GLIS3: variants seen among roughly 807,000 people sequenced by gnomAD.
GLIS3 encodes the protein GLIS family zinc finger 3.
In GLIS3, 53 loss-of-function variants were observed where a neutral mutation model predicts 78.6. The observed-to-expected ratio is 0.67, with a 90% confidence interval of 0.54 to 0.85. The LOEUF is 0.85. GLIS3 is among the 40% of genes least tolerant of loss of function. The pLI, the probability that GLIS3 is intolerant of heterozygous loss-of-function variation, is 0.00. For missense variants in GLIS3, 1,703 were observed against 1,231.1 expected (o/e 1.38, Z -5.74); for synonymous variants, 684 against 509.9 (o/e 1.34, Z -4.60).
intron 1 of GLIS3, among the ~76,000 whole-genome samples, chr9:4,291,573 T>C (rs1457591801): frequency 6.6e-6 from 1 of 151,820 alleles, no homozygotes; most frequent in East Asian, 1.9e-4. Context: ...GGGTAGTAAA[T>C]ATGAACAGGA....
At chr9:4,095,517 A>G (rs1829868254) in intron 4 of GLIS3, among the ~76,000 whole-genome samples, 1 of 152,182 alleles carries the variant, frequency 6.6e-6, no homozygotes, top group African/African-American at 2.4e-5. Context: ...ATAGAATTCA[A>G]CAGTAAGGAT....
At chr9:3,840,493 A>C (rs1330091711) in intron 9 of GLIS3, among the ~76,000 whole-genome samples, 2 of 152,226 alleles carry the variant, frequency 1.3e-5, no homozygotes, top group African/African-American at 4.8e-5. Context: ...TGTGTTAGGA[A>C]GACAGATTTT....
At chr9:4,338,024 C>CTGTG (rs74777663) in intron 2 of GLIS3, among the ~76,000 whole-genome samples, 5,450 of 138,952 alleles carry the variant, frequency 0.039, 110 homozygotes, top group Middle Eastern at 0.052. Context: ...ATTGGCAAGG[C>CTGTG]TGTGTGTGTG....
intron 4 of GLIS3, chr9:4,035,892 A>C (rs1336729031): frequency 6.6e-6 from 1 of 152,280 alleles, no homozygotes; most frequent in Non-Finnish European, 1.5e-5. Flanking sequence ...TCTTGCAGTC[A>C]AAATCTATCC....
rs79496330 is a variant in GLIS3 at position 4,148,593 on chromosome 9, A to G, written c.389-22652T>C. On this transcript the variant is annotated intron_variant, in intron 2 of 10. Coordinates refer to ENST00000381971, the MANE Select transcript of GLIS3 (RefSeq NM_001042413.2). ...AACTGGCAGGCCCATGAGGACAGGG[A>G]CTGTACCTAATCCACCTGGACCCCT... Among the ~76,000 whole-genome samples the G allele has an allele frequency of 3.8e-3, 570 of 151,796 alleles. 4 individuals are homozygous for G. Among genetic ancestry groups the G allele is most frequent in the African/African-American group, 0.012 (499 of 41,376 alleles).
chr9:4,009,327 C>T (rs549607687), intron 4 of GLIS3, among the ~76,000 whole-genome samples: 283 of 152,268 alleles, frequency 1.9e-3, no homozygotes, highest in Non-Finnish European at 2.8e-3. Flanking sequence ...TTGTGACAGC[C>T]GACAAGCCAG....
At chr9:4,191,207 C>G (rs1223339156) in intron 2 of GLIS3, among the ~76,000 whole-genome samples, 1 of 151,428 alleles carries the variant, frequency 6.6e-6, no homozygotes, top group Non-Finnish European at 1.5e-5. Flanking sequence ...TGTAAATGGA[C>G]TAAATGCTCC....
At chr9:4,488,272 C>T in the GLIS3 span, among the ~76,000 whole-genome samples, 151,770 of 152,234 alleles carry the variant, frequency 1, 75,655 homozygotes, top group Middle Eastern at 1. Flanking sequence ...TTATTTTACA[C>T]ACATGTGATC....
chr9:4,222,613 G>A (rs533955161), intron 2 of GLIS3, among the ~76,000 whole-genome samples: 4 of 152,296 alleles, frequency 2.6e-5, no homozygotes, highest in Admixed American at 6.5e-5. Flanking sequence ...TGTCAAGTGC[G>A]TGCACAGATC....
intron 8 of GLIS3, among the ~76,000 whole-genome samples, chr9:3,858,738 A>C (rs536327189): frequency 6.6e-6 from 1 of 152,216 alleles, no homozygotes; most frequent in African/African-American, 2.4e-5. Flanking sequence ...TAACTTTTAT[A>C]CATGTAGAGA....
At chr9:3,921,923 TACACAC>T (rs6150898) in intron 6 of GLIS3, among the ~76,000 whole-genome samples, 6 of 149,756 alleles carry the variant, frequency 4.0e-5, no homozygotes, top group Non-Finnish European at 7.4e-5. Context: ...TCATACTGTG[TACACAC>T]ACACACACAC....
rs1564098486 is a variant in GLIS3, at chr9:4,133,867, CA to C, written c.389-7927del. Among the ~76,000 whole-genome samples the C allele has an allele frequency of 9.6e-3, 1,074 of 111,392 alleles. 19 individuals carry two copies. The highest frequency in any genetic ancestry group is 0.026 in the African/African-American group (808 of 30,666). The allele number at this position is 111,392 out of a possible 152,430, so 73.1% of individuals were successfully genotyped here. On this transcript the variant is annotated intron_variant, in intron 2 of 10. Coordinates refer to ENST00000381971, the MANE Select transcript of GLIS3 (RefSeq NM_001042413.2). ...ACACACACACACACACACACACACA[CA>C]CACACACCGTACATCTGTCCTCGCC...
intron 7 of GLIS3, among the ~76,000 whole-genome samples, chr9:3,880,125 A>G (rs979921585): frequency 1.3e-5 from 2 of 152,102 alleles, no homozygotes; most frequent in African/African-American, 4.8e-5. Flanking sequence ...AGGATCCTGC[A>G]CCCTTTTAAC....
At chr9:4,075,639 G>T (rs1369034450) in intron 4 of GLIS3, among the ~76,000 whole-genome samples, 1 of 151,810 alleles carries the variant, frequency 6.6e-6, no homozygotes, top group Non-Finnish European at 1.5e-5. Flanking sequence ...CTAGACATAG[G>T]TGCTAAAAAG....
chr9:3,867,641 A>T (rs1467029239), intron 8 of GLIS3, among the ~76,000 whole-genome samples: 2 of 152,222 alleles, frequency 1.3e-5, no homozygotes, highest in Non-Finnish European at 2.9e-5. Context: ...CAAAAATAGG[A>T]TATCAGAATT....
chr9:3,937,106 C>A lies in GLIS3; in HGVS notation c.1794G>T (p.Leu598Phe), dbSNP rs773796098. 1 of 1,614,074 alleles carries A rather than the reference C, an allele frequency of 6.2e-7. No individual in the cohort carries two copies. Among genetic ancestry groups the A allele is most frequent in the South Asian group, 1.1e-5 (1 of 91,066 alleles). Residue 598 changes from leucine (L) to phenylalanine (F), a missense_variant, in exon 5 of 11, where the codon TTG becomes TTT. Transcript: ENST00000381971. ...LRSHTGEKPYLCQHPGCQKAF... is the reference protein window; with the variant it reads ...LRSHTGEKPYFCQHPGCQKAF... ...CCTTCTGACAACCCGGATGCTGGCACAAATACGGCTTCTCGCCTGTGTGGC... is the reference window on the plus strand; with the variant it reads ...CCTTCTGACAACCCGGATGCTGGCAAAAATACGGCTTCTCGCCTGTGTGGC...
chr9:4,394,253 A>C, the GLIS3 span, among the ~76,000 whole-genome samples: 8,014 of 151,806 alleles, frequency 0.053, 473 homozygotes, highest in East Asian at 0.24. Flanking sequence ...CAATTTTTAA[A>C]AATTATTATC....
At chr9:3,878,188 C>CT (rs1260187470) in intron 8 of GLIS3, among the ~76,000 whole-genome samples, 1 of 152,060 alleles carries the variant, frequency 6.6e-6, no homozygotes, top group East Asian at 1.9e-4. Flanking sequence ...CTGTGTCTTT[C>CT]TTTCCCTCAC....
At chr9:4,326,280 A>G (rs1056564377) in intron 2 of GLIS3, among the ~76,000 whole-genome samples, 2 of 152,248 alleles carry the variant, frequency 1.3e-5, no homozygotes, top group Non-Finnish European at 2.9e-5. Flanking sequence ...ATCATTCACA[A>G]CAGTGAAAAA....
Sources: allele counts gnomAD v4.1 joint callset (sites outside exome capture counted in the v4.1 genomes callset), GRCh38; gene constraint gnomAD v4.1.1; transcripts MANE v1.5; gene names NCBI Gene and HGNC (gene_info 2026-07-23, HGNC 2026-07-21).